PADI6: variants seen among roughly 807,000 people sequenced by gnomAD.
The protein encoded by PADI6 is peptidyl arginine deiminase 6.
PADI6 carries 66 observed loss-of-function variants against 78.2 expected under a neutral mutation model. The observed-to-expected ratio is 0.84, with a 90% CI of 0.69 to 1.04. The LOEUF (loss-of-function observed/expected upper bound fraction) is 1.04. Among genes scored for constraint, PADI6 ranks in the 50% least tolerant of loss-of-function variants. The pLI is 0.00. For synonymous variants in PADI6, 397 were observed against 346.9 expected (o/e 1.14, Z -1.60); for missense variants, 854 against 866.1 (o/e 0.99, Z 0.18).
chr1:17,387,254 G>C (rs1273078892), intron 6 of PADI6, among the ~76,000 whole-genome samples: 1 of 151,988 alleles, frequency 6.6e-6, no homozygotes, highest in Non-Finnish European at 1.5e-5. Flanking sequence ...GACTGGCCTG[G>C]GCAATGTGGT....
intron 6 of PADI6, among the ~76,000 whole-genome samples, chr1:17,386,161 G>T (rs896563507): frequency 6.6e-6 from 1 of 152,124 alleles, no homozygotes; most frequent in East Asian, 1.9e-4. Flanking sequence ...TACTTGGGTC[G>T]CAGGGCTTCT....
chr1:17,372,287 C>T lies in PADI6; in HGVS notation c.42C>T (p.Ile14=), dbSNP rs752601263. 17 of 1,613,868 alleles carry T rather than the reference C, an allele frequency of 1.1e-5. No homozygotes were observed. The South Asian group carries it at 1.2e-4, about 11-fold the overall frequency. ...VEGRAMSFQS[I]IHLSLDSPVH... is the part of the protein sequence containing the mutation. ...GCCGAGCCATGTCCTTCCAGAGTATCATCCACCTGTCCCTGGACAGCCCTG... is the reference window on the plus strand; with the variant it reads ...GCCGAGCCATGTCCTTCCAGAGTATTATCCACCTGTCCCTGGACAGCCCTG... Residue 14 remains isoleucine (I), a synonymous_variant, in exon 1 of 16, where the codon ATC becomes ATT. Coordinates refer to ENST00000619609, the MANE Select transcript of PADI6 (RefSeq NM_207421.4).
intron 3 of PADI6, among the ~76,000 whole-genome samples, chr1:17,376,466 AT>A (rs549451529): frequency 2.6e-5 from 4 of 151,028 alleles, no homozygotes; most frequent in African/African-American, 4.9e-5. Context: ...TGCCCGGCTA[AT>A]TTTTTTTTAT....
intron 6 of PADI6, among the ~76,000 whole-genome samples, chr1:17,382,568 A>G (rs1490085758): frequency 1.3e-5 from 2 of 151,938 alleles, no homozygotes; most frequent in African/African-American, 4.8e-5. Flanking sequence ...GCCATCCACC[A>G]CCCATCTTCA....
rs577169994 is a variant in PADI6, at chr1:17,373,270, G to A, written c.294+37G>A. On this transcript the variant is annotated intron_variant, in intron 2 of 15. Transcript: ENST00000619609. ...GGGAAGAGGTGAGGGGCATCTCCCGGGGTGGGACCTAGCACAGCCACTGGG... is the reference window on the plus strand; with the variant it reads ...GGGAAGAGGTGAGGGGCATCTCCCGAGGTGGGACCTAGCACAGCCACTGGG... 22 of 1,605,406 alleles carry A rather than the reference G, an allele frequency of 1.4e-5. No homozygotes were observed. In the South Asian group the frequency reaches 2.0e-4, roughly 15 times the overall value.
At position 17,394,971 on chromosome 1, in the gene PADI6, G is replaced by T; in HGVS notation, c.1358G>T (p.Ser453Ile). ...FYPSAEGRAMSKTLRDFLYAQ... is the reference protein window; with the variant it reads ...FYPSAEGRAMIKTLRDFLYAQ... Reference sequence around the variant, plus strand: ...TCTAGCGCAGAGGGCCGGGCCATGAGTAAGACCCTCCGAGACTTCCTCTAT... The same window carrying T: ...TCTAGCGCAGAGGGCCGGGCCATGATTAAGACCCTCCGAGACTTCCTCTAT... Residue 453 changes from serine to isoleucine, a missense_variant, in exon 12 of 16, where the codon AGT becomes ATT. Coordinates refer to ENST00000619609, the MANE Select transcript of PADI6 (RefSeq NM_207421.4). The T allele has an allele frequency of 6.2e-7, 1 of 1,612,794 alleles. No individual in the cohort carries two copies. Among genetic ancestry groups the T allele is most frequent in the South Asian group, 1.1e-5 (1 of 91,012 alleles).
intron 4 of PADI6, among the ~76,000 whole-genome samples, chr1:17,380,235 A>G (rs1036826204): frequency 6.6e-6 from 1 of 151,358 alleles, no homozygotes; most frequent in African/African-American, 2.4e-5. Flanking sequence ...TTTTTGATGG[A>G]GTTTCCCTCT....
At chr1:17,391,645 C>T (rs1281047810) in intron 8 of PADI6, among the ~76,000 whole-genome samples, 1 of 152,172 alleles carries the variant, frequency 6.6e-6, no homozygotes, top group African/African-American at 2.4e-5. Flanking sequence ...CAAGACCCAC[C>T]CAACGCCACA....
At chr1:17,396,854 TA>T (rs1350424674) in intron 13 of PADI6, among the ~76,000 whole-genome samples, 3 of 152,200 alleles carry the variant, frequency 2.0e-5, no homozygotes, top group African/African-American at 7.2e-5. Flanking sequence ...CCAGTGGCAG[TA>T]AGTCCTGCCT....
intron 15 of PADI6, among the ~76,000 whole-genome samples, 173 bp downstream of exon 15, chr1:17,399,020 G>GC (rs779340016): frequency 3.3e-5 from 5 of 152,088 alleles, no homozygotes; most frequent in Non-Finnish European, 5.9e-5. Context: ...CACCCAGAGA[G>GC]CAAGTGTACA....
rs2100282117 is a variant in PADI6 at position 17,373,103 on chromosome 1, G to A, written c.164G>A (p.Arg55Lys). Residue 55 changes from arginine (R) to lysine (K), a missense_variant, in exon 2 of 16, where the codon AGG becomes AAG. Transcript: ENST00000619609. ...TGCTTCACCATCCATGGCTCTGGGA[G>A]GGTCTTGATCGATGTGGCCAACACG... ...CQCFTIHGSG[R>K]VLIDVANTVI... 2 of 1,614,022 alleles carry A rather than the reference G, an allele frequency of 1.2e-6. No individual in the cohort carries two copies. The highest frequency in any genetic ancestry group is 4.5e-5 in the East Asian group (2 of 44,880).
chr1:17,382,195 A>G, intron 6 of PADI6, 103 bp downstream of exon 6: 1 of 1,393,490 alleles, frequency 7.2e-7, no homozygotes, highest in South Asian at 1.3e-5. Flanking sequence ...AGCCTGCTGG[A>G]GACCTAGAGC....
chr1:17,382,160 T>A, intron 6 of PADI6, 68 bp downstream of exon 6: 1 of 1,571,312 alleles, frequency 6.4e-7, no homozygotes. Flanking sequence ...TGCCCACACC[T>A]CCTCCCAGCA....
chr1:17,379,111 AT>A lies in PADI6; in HGVS notation c.368-788del, dbSNP rs144547124. Among the ~76,000 whole-genome samples the A allele has an allele frequency of 8.6e-3, 865 of 100,800 alleles. 20 individuals are homozygous for A. Among genetic ancestry groups the A allele is most frequent in the Non-Finnish European group, 0.011 (625 of 56,658 alleles). The allele number at this position is 100,800 out of a possible 152,430, so 66.1% of individuals were successfully genotyped here. A position where few individuals can be genotyped will look rare whatever the true frequency, so the allele number is the denominator to read the frequency against. On this transcript the variant is annotated intron_variant, in intron 3 of 15. Transcript: ENST00000619609. The stretch of plus-strand genomic sequence containing the variant: ...AGGTACCCTCCACCATGCCCAGTTA[AT>A]TTTTTTTTTTTTTTTTTTTTAAGAC...
At chr1:17,379,798 C>G in intron 3 of PADI6, 122 bp from the exon 4 acceptor site, 1 of 749,250 alleles carries the variant, frequency 1.3e-6, no homozygotes, top group Admixed American at 2.5e-5. Flanking sequence ...AAGCTGATAG[C>G]ATGCCAGAAA....
chr1:17,401,578 C>T lies in PADI6; in HGVS notation c.*140C>T. 2.6e-6 allele frequency: 2 copies of T among 755,644 alleles called. No individual in the cohort carries two copies. Among genetic ancestry groups the T allele is most frequent in the Non-Finnish European group, 4.2e-6 (2 of 474,980 alleles). 46.8% of individuals were successfully genotyped at this position (755,644 alleles called of 1,614,324 possible). ...TTTCTTCCCTGTCTGCCCCGACCGACCCTCGGACCCAGTAGGATGGCAAAT... is the reference window on the plus strand; with the variant it reads ...TTTCTTCCCTGTCTGCCCCGACCGATCCTCGGACCCAGTAGGATGGCAAAT... On this transcript the variant is annotated 3_prime_UTR_variant, in exon 16 of 16. Coordinates refer to ENST00000619609, the MANE Select transcript of PADI6 (RefSeq NM_207421.4).
rs755260464 is a variant in PADI6, at chr1:17,401,247, C to A, written c.1894C>A (p.Pro632Thr). The A allele has an allele frequency of 2.5e-6, 4 of 1,614,068 alleles. No homozygotes were observed. Among genetic ancestry groups the A allele is most frequent in the African/African-American group, 1.3e-5 (1 of 75,070 alleles). The change falls in exon 16 of 16, where the codon CCT becomes ACT. Residue 632 changes from proline (P) to threonine (T), a missense_variant. Transcript: ENST00000619609. ...GGGCAAGAACCTGGGGATCCCCAAGCCTTTTGGGCCCCAAATCAAGGGGAC... is the reference window on the plus strand; with the variant it reads ...GGGCAAGAACCTGGGGATCCCCAAGACTTTTGGGCCCCAAATCAAGGGGAC... Reference protein sequence around the residue: ...VMGKNLGIPKPFGPQIKGTCC... With the variant: ...VMGKNLGIPKTFGPQIKGTCC...
chr1:17,399,817 C>T (rs1244584644), intron 15 of PADI6, among the ~76,000 whole-genome samples: 2 of 151,826 alleles, frequency 1.3e-5, no homozygotes, highest in Admixed American at 1.3e-4. Context: ...GTGGGTGGAT[C>T]ACTTGAAGTC....
chr1:17,374,112 G>A (rs1012187097), intron 2 of PADI6, among the ~76,000 whole-genome samples: 1 of 152,054 alleles, frequency 6.6e-6, no homozygotes, highest in African/African-American at 2.4e-5. Flanking sequence ...TAGGATCCTG[G>A]CCGCTGGTTT....
Sources: allele counts gnomAD v4.1 joint callset (sites outside exome capture counted in the v4.1 genomes callset), GRCh38; gene constraint gnomAD v4.1.1; transcripts MANE v1.5; gene names NCBI Gene and HGNC (gene_info 2026-07-23, HGNC 2026-07-21).